ZNF385D: variants seen among roughly 807,000 people sequenced by gnomAD.
ZNF385D encodes zinc finger protein 385D.
ZNF385D carries 15 observed loss-of-function variants against 35.8 expected under a neutral mutation model. The ratio of observed to expected loss-of-function variants is 0.42; its 90% CI spans 0.28 to 0.64. The LOEUF is 0.64. Ranked by LOEUF, ZNF385D falls within the 30% of genes least tolerant of loss-of-function variation. The pLI is 0.23. For missense variants in ZNF385D, 474 were observed against 494.6 expected (o/e 0.96, Z 0.39); for synonymous variants, 212 against 186.8 (o/e 1.13, Z -1.10).
chr3:22,365,494 T>A (rs963473701), intron 2 of ZNF385D, among the ~76,000 whole-genome samples: 39 of 151,660 alleles, frequency 2.6e-4, no homozygotes, highest in Middle Eastern at 6.8e-3. Context: ...CTAAAAAAAA[T>A]TTTTTTTTGT....
intron 3 of ZNF385D, among the ~76,000 whole-genome samples, chr3:22,100,201 G>T (rs1477967960): frequency 6.9e-6 from 1 of 144,072 alleles, no homozygotes; most frequent in African/African-American, 2.7e-5. Context: ...TGGAGAGGAT[G>T]TGGAGAAATA....
chr3:22,127,440 A>G (rs1703504039), intron 3 of ZNF385D, among the ~76,000 whole-genome samples: 2 of 142,046 alleles, frequency 1.4e-5, no homozygotes, highest in African/African-American at 2.6e-5. Flanking sequence ...CCTGGCTTCA[A>G]GCGATTCTCC....
chr3:22,329,713 G>C (rs188816270), intron 2 of ZNF385D, among the ~76,000 whole-genome samples: 2 of 152,202 alleles, frequency 1.3e-5, no homozygotes, highest in East Asian at 3.9e-4. Context: ...TGTAATGCAA[G>C]CCACATGTAA....
At chr3:22,351,945 T>C (rs180790489) in intron 2 of ZNF385D, among the ~76,000 whole-genome samples, 27 of 152,320 alleles carry the variant, frequency 1.8e-4, no homozygotes, top group African/African-American at 6.5e-4. Flanking sequence ...TTACTCATCC[T>C]TACGTGGGCT....
At chr3:22,107,376 A>G (rs756608587) in intron 3 of ZNF385D, among the ~76,000 whole-genome samples, 1 of 151,980 alleles carries the variant, frequency 6.6e-6, no homozygotes, top group African/African-American at 2.4e-5. Flanking sequence ...ATTATGTTAA[A>G]TTTTCTAGAT....
Position 21,767,976 on chromosome 3 carries a change from T to C in ZNF385D, c.326-102948A>G, listed in dbSNP as rs144346455. On this transcript the variant is annotated intron_variant, in intron 3 of 5. Coordinates refer to the ZNF385D transcript ENST00000494108. ...AAAGAATTATCTTATTTTTACATTG[T>C]CCTAATTTGTTGTAATTATTCACAT... Among the ~76,000 whole-genome samples the C allele has an allele frequency of 3.8e-3, 579 of 152,222 alleles. 7 individuals are homozygous for C. The highest frequency in any genetic ancestry group is 0.013 in the African/African-American group (524 of 41,556).
At chr3:21,805,783 C>G (rs1010603183) in intron 3 of ZNF385D, among the ~76,000 whole-genome samples, 1 of 152,134 alleles carries the variant, frequency 6.6e-6, no homozygotes, top group Non-Finnish European at 1.5e-5. Flanking sequence ...AGCAGTGAAA[C>G]GGTCATAATG....
intron 3 of ZNF385D, among the ~76,000 whole-genome samples, chr3:21,860,494 T>G (rs17009864): frequency 0.021 from 3,124 of 152,260 alleles, 118 homozygotes; most frequent in African/African-American, 0.07. Context: ...TTATTAATAC[T>G]TGGCCTCTTT....
intron 3 of ZNF385D, among the ~76,000 whole-genome samples, chr3:21,866,359 A>C (rs534405579): frequency 6.6e-4 from 101 of 152,178 alleles, no homozygotes; most frequent in African/African-American, 2.4e-3. Flanking sequence ...GAGGCTGAGG[A>C]AGGAGAATCA....
chr3:21,796,999 G>C (rs146803865), intron 3 of ZNF385D, among the ~76,000 whole-genome samples: 22 of 152,276 alleles, frequency 1.4e-4, no homozygotes, highest in African/African-American at 5.3e-4. Context: ...AGAAAGGCTT[G>C]ACAAACTGAA....
At chr3:22,096,305 C>A (rs539194253) in intron 3 of ZNF385D, among the ~76,000 whole-genome samples, 2 of 150,702 alleles carry the variant, frequency 1.3e-5, no homozygotes, top group Non-Finnish European at 3.0e-5. Flanking sequence ...CACATGTAAA[C>A]CCTGAATCTA....
chr3:21,459,621 T>C (rs1575183915), intron 4 of ZNF385D, among the ~76,000 whole-genome samples: 2 of 152,300 alleles, frequency 1.3e-5, no homozygotes, highest in Middle Eastern at 3.4e-3. Context: ...CCTCAATCAG[T>C]TCTCAATCCC....
rs146430402 is a variant in ZNF385D at position 22,321,352 on chromosome 3, G to A, written c.106+51098C>T. On this transcript the variant is annotated intron_variant, in intron 2 of 5. Coordinates refer to the ZNF385D transcript ENST00000494108. ...GGGGATTCAGTCTATATATATGTGT[G>A]TACTTTTTTTAAAAAAAATTATTTA... 5.3e-5 allele frequency among the ~76,000 whole-genome samples: 8 copies of A among 151,638 alleles called. No homozygotes were observed. The East Asian group carries it at 1.6e-3, about 29-fold the overall frequency.
intron 3 of ZNF385D, among the ~76,000 whole-genome samples, chr3:22,087,576 T>C (rs1701112359): frequency 1.3e-5 from 2 of 152,146 alleles, no homozygotes; most frequent in Admixed American, 1.3e-4. Flanking sequence ...TGGAAATTAG[T>C]TATTAGTAAC....
At chr3:21,939,020 C>G (rs1701391403) in intron 3 of ZNF385D, among the ~76,000 whole-genome samples, 2 of 152,270 alleles carry the variant, frequency 1.3e-5, no homozygotes, top group South Asian at 4.1e-4. Flanking sequence ...GCTAGAAGTT[C>G]TGGATGTCAC....
intron 3 of ZNF385D, among the ~76,000 whole-genome samples, chr3:21,879,767 C>A (rs1698180047): frequency 1.3e-5 from 2 of 151,968 alleles, no homozygotes; most frequent in Non-Finnish European, 2.9e-5. Context: ...ATAAAAACTT[C>A]AGCTTTGGAG....
At chr3:21,682,580 G>C (rs926725382) in intron 1 of ZNF385D, among the ~76,000 whole-genome samples, 2 of 150,000 alleles carry the variant, frequency 1.3e-5, no homozygotes, top group Admixed American at 6.7e-5. Flanking sequence ...GAAAGTCAAG[G>C]GTTAATCTTT....
chr3:21,821,353 T>G (rs984642357), intron 3 of ZNF385D, among the ~76,000 whole-genome samples: 1 of 152,186 alleles, frequency 6.6e-6, no homozygotes, highest in African/African-American at 2.4e-5. Flanking sequence ...ATCCTAATAC[T>G]GGAAATTAAG....
At chr3:21,619,403 C>CGT (rs1381094841) in intron 2 of ZNF385D, among the ~76,000 whole-genome samples, 5 of 140,582 alleles carry the variant, frequency 3.6e-5, no homozygotes, top group Non-Finnish European at 4.5e-5. Flanking sequence ...TAGTTGTCAT[C>CGT]GTGTGTGTGC....
Sources: allele counts gnomAD v4.1 joint callset (sites outside exome capture counted in the v4.1 genomes callset), GRCh38; gene constraint gnomAD v4.1.1; transcripts MANE v1.5; gene names NCBI Gene and HGNC (gene_info 2026-07-23, HGNC 2026-07-21).